The following SPTBN1 variants were observed in gnomAD, a reference collection of about 807,000 sequenced individuals.
SPTBN1 encodes the protein spectrin beta, non-erythrocytic 1.
SPTBN1 carries 32 observed loss-of-function variants against 266.4 expected under a neutral mutation model. The observed-to-expected ratio is 0.12, with a 90% CI of 0.09 to 0.16. The LOEUF (loss-of-function observed/expected upper bound fraction) is 0.16. Among genes scored for constraint, SPTBN1 ranks in the 10% least tolerant of loss-of-function variants. The pLI is 1.00. For synonymous variants in SPTBN1, 1,336 were observed against 1,162.2 expected (o/e 1.15, Z -3.04); for missense variants, 2,296 against 3,067.1 (o/e 0.75, Z 5.94).
chr2:54,504,889 C>A (rs1334915107), intron 1 of SPTBN1, among the ~76,000 whole-genome samples: 1 of 152,038 alleles, frequency 6.6e-6, no homozygotes, highest in Non-Finnish European at 1.5e-5. Flanking sequence ...ATGTTTTCAT[C>A]AGAATGCAGA....
intron 2 of SPTBN1, among the ~76,000 whole-genome samples, chr2:54,537,134 T>G (rs779937574): frequency 6.6e-6 from 1 of 152,204 alleles, no homozygotes; most frequent in Non-Finnish European, 1.5e-5. Context: ...CTGGAGGCAT[T>G]ACTTATATTT....
Position 54,629,199 on chromosome 2 carries a change from G to A in SPTBN1, c.2065G>A (p.Gly689Ser), listed in dbSNP as rs1331965648. The A allele has an allele frequency of 2.5e-6, 4 of 1,613,548 alleles. No homozygotes were observed. The highest frequency in any genetic ancestry group is 3.4e-6 in the Non-Finnish European group (4 of 1,179,956). The change falls in exon 14 of 36, where the codon GGC (glycine) becomes AGC (serine). Residue 689 changes from glycine to serine, a missense_variant. Around this residue, in one of 12 missense-constraint regions of SPTBN1, gnomAD observed 434 missense variants for 573.9 expected, o/e 0.76. Transcript: ENST00000356805. ...CCGGGCGTTCGAGGACGAGATGAGCGGCCGCAGTGGCCACTTTGAGCAGGC... is the reference window on the plus strand; with the variant it reads ...CCGGGCGTTCGAGGACGAGATGAGCAGCCGCAGTGGCCACTTTGAGCAGGC... ...KHRAFEDEMS[G>S]RSGHFEQAIK...
At chr2:54,521,570 G>A (rs1454362550) in intron 1 of SPTBN1, among the ~76,000 whole-genome samples, 1 of 152,176 alleles carries the variant, frequency 6.6e-6, no homozygotes, top group African/African-American at 2.4e-5. Flanking sequence ...CTGGAGTGCA[G>A]TGACACGATC....
intron 2 of SPTBN1, among the ~76,000 whole-genome samples, chr2:54,555,471 GATTA>G (rs1672812217): frequency 6.6e-6 from 1 of 152,152 alleles, no homozygotes; most frequent in Non-Finnish European, 1.5e-5. Context: ...AAGTCCTTTG[GATTA>G]ATTTTTACGT....
chr2:54,526,393 T>A lies in SPTBN1; in HGVS notation c.-26T>A, dbSNP rs780243876. ...ATAGAACTCTAAGAAGGAGCTGATG[T>A]GGAGGAGCAGCTGAGACAGTTCAAG... On this transcript the variant is annotated 5_prime_UTR_variant, in exon 2 of 36. Coordinates refer to ENST00000356805, the MANE Select transcript of SPTBN1 (RefSeq NM_003128.3). The A allele has an allele frequency of 1.2e-6, 2 of 1,611,506 alleles. No individual in the cohort carries two copies. Among genetic ancestry groups the A allele is most frequent in the South Asian group, 2.2e-5 (2 of 90,762 alleles).
chr2:54,555,041 G>C (rs1359583593), intron 2 of SPTBN1, among the ~76,000 whole-genome samples: 1 of 151,966 alleles, frequency 6.6e-6, no homozygotes, highest in Non-Finnish European at 1.5e-5. Flanking sequence ...TTATTTTTTA[G>C]TTTGTTTGTT....
intron 1 of SPTBN1, among the ~76,000 whole-genome samples, chr2:54,487,830 G>GTTTTTTTTTTTTT (rs1558770807): frequency 1.7e-4 from 1 of 5,946 alleles, no homozygotes. Flanking sequence ...CTCCTCCTGT[G>GTTTTTTTTTTTTT]TCTTTTTTTT....
intron 32 of SPTBN1, chr2:54,661,941 T>C: frequency 1.0e-6 from 1 of 985,392 alleles, no homozygotes; most frequent in Middle Eastern, 5.2e-4. Context: ...TAATTACAAT[T>C]GGCTTGTATG....
intron 1 of SPTBN1, among the ~76,000 whole-genome samples, chr2:54,473,909 T>C (rs1452614244): frequency 2.6e-5 from 4 of 152,220 alleles, no homozygotes; most frequent in African/African-American, 9.7e-5. Flanking sequence ...AGCTTAGCAT[T>C]TAAAATATTC....
intron 2 of SPTBN1, chr2:54,557,994 A>G (rs1672993373): frequency 2.0e-6 from 2 of 984,942 alleles, no homozygotes; most frequent in African/African-American, 1.7e-5. Flanking sequence ...TAGAGAGTGA[A>G]TGAGCCGCGC....
chr2:54,481,155 G>T (rs1334793129), intron 1 of SPTBN1, among the ~76,000 whole-genome samples: 3 of 151,544 alleles, frequency 2.0e-5, no homozygotes, highest in Non-Finnish European at 4.4e-5. Context: ...TAATAATGAT[G>T]ATGATGATAA....
intron 2 of SPTBN1, among the ~76,000 whole-genome samples, chr2:54,566,629 G>A (rs1673684745): frequency 6.6e-6 from 1 of 152,088 alleles, no homozygotes; most frequent in Admixed American, 6.5e-5. Flanking sequence ...TCAGGAGTTC[G>A]AGACCAGCCT....
intron 2 of SPTBN1, among the ~76,000 whole-genome samples, chr2:54,589,087 T>C (rs987991726): frequency 2.0e-5 from 3 of 152,222 alleles, no homozygotes; most frequent in South Asian, 2.1e-4. Context: ...AATCCAATTA[T>C]ACTCTTAGTT....
Position 54,653,637 on chromosome 2 carries a change from G to A in SPTBN1, c.5606G>A (p.Arg1869His), listed in dbSNP as rs779220012. The A allele has an allele frequency of 9.9e-6, 16 of 1,613,736 alleles. No individual in the cohort carries two copies. The highest frequency in any genetic ancestry group is 6.7e-5 in the East Asian group (3 of 44,888). Reference sequence around the variant, plus strand: ...AGGCAGCTGCAGGAGGATGCAGCCCGCCTCCAGGCGGCCTATGCGGGTGAC... The same window carrying A: ...AGGCAGCTGCAGGAGGATGCAGCCCACCTCCAGGCGGCCTATGCGGGTGAC... ...QVRQLQEDAARLQAAYAGDKA... is the reference protein window; with the variant it reads ...QVRQLQEDAAHLQAAYAGDKA... Residue 1869 changes from arginine to histidine, a missense_variant, in exon 27 of 36, where the codon CGC becomes CAC. This residue lies in a region of SPTBN1 where 644 missense variants were observed against 745.3 expected (regional missense o/e 0.86). Coordinates refer to ENST00000356805, the MANE Select transcript of SPTBN1 (RefSeq NM_003128.3). This position sits in a 1 kb window ranked among gnomAD's most constrained non-coding sequence, Gnocchi z 5.1.
intron 3 of SPTBN1, among the ~76,000 whole-genome samples, chr2:54,602,651 T>G (rs1366178568): frequency 2.0e-5 from 3 of 152,194 alleles, no homozygotes; most frequent in Non-Finnish European, 4.4e-5. Flanking sequence ...GCTTCCCTGT[T>G]GTTTCCTGAT....
At chr2:54,607,922 T>G (rs1039795259) in intron 3 of SPTBN1, among the ~76,000 whole-genome samples, 3 of 152,208 alleles carry the variant, frequency 2.0e-5, no homozygotes, top group Non-Finnish European at 4.4e-5. Flanking sequence ...CTGGACAGAC[T>G]TAAAATGGCC....
Position 54,577,181 on chromosome 2 carries a change from G to C in SPTBN1, c.149-21911G>C, listed in dbSNP as rs148233587. Among the ~76,000 whole-genome samples, 387 of 152,202 alleles carry C rather than the reference G, an allele frequency of 2.5e-3. 1 individual carries two copies. The highest frequency in any genetic ancestry group is 8.9e-3 in the African/African-American group (367 of 41,462). ...GGGAATCAGGTGCTGCTTAGCAGCT[G>C]ATGTTGGTTAAATGACCTTGGACAA... is the stretch of plus-strand genomic sequence containing the variant. On this transcript the variant is annotated intron_variant, in intron 2 of 35. Transcript: ENST00000356805.
At chr2:54,636,483 C>CT in intron 17 of SPTBN1, among the ~76,000 whole-genome samples, 1 of 152,340 alleles carries the variant, frequency 6.6e-6, no homozygotes, top group South Asian at 2.1e-4. Flanking sequence ...CAGACAATGG[C>CT]TATGACACTG....
intron 1 of SPTBN1, among the ~76,000 whole-genome samples, chr2:54,484,718 T>C (rs961018319): frequency 2.0e-5 from 3 of 151,530 alleles, no homozygotes; most frequent in Non-Finnish European, 2.9e-5. Context: ...CTCCTGGGAG[T>C]AGTTCGTTGG....
Sources: allele counts gnomAD v4.1 joint callset (sites outside exome capture counted in the v4.1 genomes callset), GRCh38; gene constraint gnomAD v4.1.1; regional missense constraint gnomAD v4.1.1; non-coding constraint Gnocchi (gnomAD v3.1); transcripts MANE v1.5; gene names NCBI Gene and HGNC (gene_info 2026-07-23, HGNC 2026-07-21).